Variants in ATRN observed in about 807,000 individuals in gnomAD.
ATRN encodes attractin.
ATRN carries 54 observed loss-of-function variants against 178.7 expected under a neutral mutation model. That is an observed-to-expected ratio of 0.30 (90% confidence interval 0.24 to 0.38). The LOEUF (loss-of-function observed/expected upper bound fraction) is 0.38, where lower values mean the gene tolerates loss of function less well. ATRN is among the 10% of genes least tolerant of loss of function. The pLI is 1.00. For missense variants in ATRN, 1,443 were observed against 1,815.1 expected, an observed-to-expected ratio of 0.79 and a Z score of 3.73; for synonymous variants, 636 against 663.0, an observed-to-expected ratio of 0.96 and a Z score of 0.63.
At chr20:3,561,875 G>A (rs189578731) in intron 8 of ATRN, among the ~76,000 whole-genome samples, 3 of 151,654 alleles carry the variant, frequency 2.0e-5, no homozygotes, top group Non-Finnish European at 4.4e-5. Flanking sequence ...CTACAGGTGC[G>A]TGCCACCACT....
chr20:3,607,898 A>G (rs1832417598), intron 24 of ATRN, among the ~76,000 whole-genome samples: 1 of 152,118 alleles, frequency 6.6e-6, no homozygotes, highest in Non-Finnish European at 1.5e-5. Context: ...TGTCTTTTTA[A>G]TAATAGCCAT....
intron 1 of ATRN, among the ~76,000 whole-genome samples, chr20:3,527,068 A>G (rs1056825079): frequency 6.6e-6 from 1 of 152,216 alleles, no homozygotes; most frequent in Non-Finnish European, 1.5e-5. Context: ...ACAAAAGCCA[A>G]AATTGACAAA....
chr20:3,552,318 C>T (rs1182850296), intron 6 of ATRN, among the ~76,000 whole-genome samples: 1 of 152,100 alleles, frequency 6.6e-6, no homozygotes, highest in East Asian at 1.9e-4. Flanking sequence ...TTTACCTGAT[C>T]CCCTATCTCC....
At chr20:3,523,146 G>T (rs964283401) in intron 1 of ATRN, among the ~76,000 whole-genome samples, 4 of 151,940 alleles carry the variant, frequency 2.6e-5, no homozygotes, top group Non-Finnish European at 5.9e-5. Flanking sequence ...CTAACCCAAT[G>T]CAAGGAAGCT....
chr20:3,527,816 A>C (rs2085389518), intron 1 of ATRN, among the ~76,000 whole-genome samples: 1 of 151,782 alleles, frequency 6.6e-6, no homozygotes, highest in Non-Finnish European at 1.5e-5. Context: ...AAACTATCAC[A>C]GGAACAAAAC....
chr20:3,519,746 A>G (rs1568702468), intron 1 of ATRN, among the ~76,000 whole-genome samples: 1 of 152,210 alleles, frequency 6.6e-6, no homozygotes, highest in Non-Finnish European at 1.5e-5. Flanking sequence ...ATGAAAAGAA[A>G]AGAAAAGAAA....
intron 8 of ATRN, among the ~76,000 whole-genome samples, chr20:3,561,543 T>C (rs1373077713): frequency 6.6e-6 from 1 of 152,144 alleles, no homozygotes; most frequent in African/African-American, 2.4e-5. Flanking sequence ...CCCAGCCCTT[T>C]AGAGATTGGT....
chr20:3,592,772 T>A (rs1455520180), intron 19 of ATRN, among the ~76,000 whole-genome samples: 2 of 151,984 alleles, frequency 1.3e-5, no homozygotes, highest in Non-Finnish European at 2.9e-5. Flanking sequence ...AATAATAGGG[T>A]GGTTGTTAAG....
intron 22 of ATRN, 53 bp downstream of exon 22, chr20:3,598,053 T>A (rs780211494): frequency 8.2e-7 from 1 of 1,225,556 alleles, no homozygotes; most frequent in Non-Finnish European, 1.2e-6. Flanking sequence ...TGGATCTTTT[T>A]CTTGGTCATT....
chr20:3,536,781 C>T (rs756644172), intron 2 of ATRN, among the ~76,000 whole-genome samples: 1 of 151,950 alleles, frequency 6.6e-6, no homozygotes, highest in Non-Finnish European at 1.5e-5. Context: ...GTGGTTGAAG[C>T]GTGTCAAGAA....
At chr20:3,567,554 T>A (rs760759460) in intron 11 of ATRN, among the ~76,000 whole-genome samples, 1 of 152,164 alleles carries the variant, frequency 6.6e-6, no homozygotes, top group Admixed American at 6.5e-5. Context: ...TGAGACAGGA[T>A]TGGGTAGGTG....
Position 3,528,197 on chromosome 20 carries a change from G to A in ATRN, c.411-7056G>A, listed in dbSNP as rs148856574. Among the ~76,000 whole-genome samples, 894 of 151,850 alleles carry A rather than the reference G, an allele frequency of 5.9e-3. 6 individuals are homozygous for A. The highest frequency in any genetic ancestry group is 9.6e-3 in the Admixed American group (146 of 15,248). On this transcript the variant is annotated intron_variant, in intron 1 of 28. Coordinates refer to ENST00000262919, the MANE Select transcript of ATRN (RefSeq NM_139321.3). ...AGCCTGGCCAAGATGGTGAAACCCC[G>A]TCTCTACTAAAAATAGAAAAATTAG... is the stretch of plus-strand genomic sequence containing the variant.
chr20:3,598,126 G>T, intron 22 of ATRN, 126 bp downstream of exon 22: 1 of 616,962 alleles, frequency 1.6e-6, no homozygotes, highest in Non-Finnish European at 2.9e-6. Flanking sequence ...GATCTCTAGA[G>T]GTATAGGAAA....
intron 1 of ATRN, among the ~76,000 whole-genome samples, chr20:3,522,682 G>A (rs1223274118): frequency 2.0e-5 from 3 of 152,188 alleles, no homozygotes; most frequent in Admixed American, 2.0e-4. Context: ...CTGACATCTG[G>A]TGGATACCCC....
At chr20:3,572,603 G>GC in intron 11 of ATRN, 128 bp from the exon 12 acceptor site, 1 of 743,380 alleles carries the variant, frequency 1.3e-6, no homozygotes, top group Non-Finnish European at 2.1e-6. Context: ...GATCTCTTGA[G>GC]CCCAGGAGTT....
chr20:3,646,453 G>A (rs1290131562), intron 28 of ATRN, among the ~76,000 whole-genome samples: 1 of 152,100 alleles, frequency 6.6e-6, no homozygotes, highest in African/African-American at 2.4e-5. Flanking sequence ...GGAGAAGAAT[G>A]TGTATTTGTA....
chr20:3,482,897 C>T (rs2084641194), intron 1 of ATRN, among the ~76,000 whole-genome samples: 1 of 152,114 alleles, frequency 6.6e-6, no homozygotes, highest in Non-Finnish European at 1.5e-5. Context: ...ATATTTGAAG[C>T]CTATGGAAGA....
chr20:3,512,107 A>ATATATATATATT, intron 1 of ATRN, among the ~76,000 whole-genome samples: 2 of 106,402 alleles, frequency 1.9e-5, no homozygotes, highest in African/African-American at 8.9e-5. Context: ...ATATATATAT[A>ATATATATATATT]TTTTTTTTTT....
chr20:3,565,388 C>T lies in ATRN; in HGVS notation c.1827C>T (p.His609=), dbSNP rs1364118940. ...CAGTGCTTCCCAGACCTGATCTCCA[C>T]CATGATGTCAACAGATTTGGCCATT... The part of the protein sequence containing the change: ...RWSVLPRPDL[H]HDVNRFGHSA... The change falls in exon 11 of 29, where the codon CAC becomes CAT. Residue 609 remains histidine (H), a synonymous_variant. Coordinates refer to ENST00000262919, the MANE Select transcript of ATRN (RefSeq NM_139321.3). The T allele has an allele frequency of 1.9e-6, 3 of 1,614,112 alleles. No individual in the cohort carries two copies. The highest frequency in any genetic ancestry group is 2.5e-6 in the Non-Finnish European group (3 of 1,179,994).
Sources: gnomAD v4.1 joint callset for allele counts (sites outside exome capture counted in the v4.1 genomes callset) on GRCh38, gnomAD v4.1.1 for gene constraint, MANE v1.5 for transcripts, NCBI Gene and HGNC (gene_info 2026-07-23, HGNC 2026-07-21) for gene names.